The following PIP4K2A variants were observed in gnomAD, a reference collection of about 807,000 sequenced individuals.
PIP4K2A encodes the protein phosphatidylinositol-5-phosphate 4-kinase type 2 alpha, also known as phosphatidylinositol 5-phosphate 4-kinase type-2 alpha.
PIP4K2A carries 14 observed loss-of-function variants against 42.9 expected under a neutral mutation model. The ratio of observed to expected loss-of-function variants is 0.33; its 90% CI spans 0.22 to 0.51. The LOEUF is 0.51. Among genes scored for constraint, PIP4K2A ranks in the 20% least tolerant of loss-of-function variants. The pLI is 0.97. For synonymous variants in PIP4K2A, 192 were observed against 192.2 expected (o/e 1.00, Z 0.01); for missense variants, 434 against 519.8 (o/e 0.83, Z 1.61).
chr10:22,547,114 CCTT>C (rs1836274927), intron 7 of PIP4K2A, among the ~76,000 whole-genome samples: 1 of 152,180 alleles, frequency 6.6e-6, no homozygotes. Flanking sequence ...CTAAGACTAT[CCTT>C]CACAATGGTT....
intron 1 of PIP4K2A, among the ~76,000 whole-genome samples, chr10:22,682,296 T>C (rs1188219260): frequency 1.3e-5 from 2 of 152,220 alleles, no homozygotes; most frequent in Non-Finnish European, 2.9e-5. Flanking sequence ...TCAACTACTG[T>C]TTCTTTTTAA....
chr10:22,658,420 A>C (rs1032838899), intron 1 of PIP4K2A, among the ~76,000 whole-genome samples: 10 of 152,262 alleles, frequency 6.6e-5, no homozygotes, highest in Non-Finnish European at 1.0e-4. Context: ...CGGTATATTA[A>C]TGTTTCATAT....
chr10:22,537,301 G>A lies in PIP4K2A; in HGVS notation c.1141-20C>T. ...GCCAGCCTGGGCAGTTTTTAAAAAA[G>A]GAAATATTGACATAGTGTTTATGAT... On this transcript the variant is annotated intron_variant, in intron 9 of 9. Transcript: ENST00000376573. 6.4e-7 allele frequency: 1 copy of A among 1,559,286 alleles called. No homozygotes were observed. The highest frequency in any genetic ancestry group is 1.2e-5 in the South Asian group (1 of 86,198).
In PIP4K2A at chr10:22,541,985, T is replaced by C. The variant is rs1343864511; in HGVS notation, c.855A>G (p.Arg285=). Residue 285 remains arginine (R), a synonymous_variant, in exon 8 of 10, where the codon AGA becomes AGG. Transcript: ENST00000376573. ...SLLVGIHDVE[R]AEQEEVECEE... ...CACACTCCACTTCCTCCTGTTCGGC[T>C]CTCTCCACATCATGAATTCCCACCA... 1.2e-6 allele frequency: 2 copies of C among 1,613,962 alleles called. No individual in the cohort carries two copies. Among genetic ancestry groups the C allele is most frequent in the South Asian group, 2.2e-5 (2 of 91,074 alleles).
intron 1 of PIP4K2A, among the ~76,000 whole-genome samples, chr10:22,658,513 G>A (rs970287787): frequency 2.0e-5 from 3 of 152,150 alleles, no homozygotes; most frequent in Admixed American, 6.5e-5. Context: ...AGGATAATAG[G>A]CTTAAACTAC....
chr10:22,578,338 T>C (rs1280865025), intron 4 of PIP4K2A, among the ~76,000 whole-genome samples: 1 of 152,218 alleles, frequency 6.6e-6, no homozygotes, highest in African/African-American at 2.4e-5. Context: ...TGGATTTTAC[T>C]TTCCTTTCCC....
chr10:22,651,479 C>T (rs554514794), intron 1 of PIP4K2A, among the ~76,000 whole-genome samples: 10 of 152,318 alleles, frequency 6.6e-5, no homozygotes, highest in African/African-American at 2.4e-4. Context: ...GGGCCTCCCA[C>T]GCAGCAACTC....
Position 22,569,264 on chromosome 10 carries a change from C to T in PIP4K2A, c.640-1375G>A, listed in dbSNP as rs372983057. ...CTCAGTGCCCCCAGGACTGGAAGAT[C>T]CGAGGGACGCTGCTGCTGGCCCAGG... On this transcript the variant is annotated intron_variant, in intron 5 of 9. Transcript: ENST00000376573. Among the ~76,000 whole-genome samples, 18 of 152,332 alleles carry T rather than the reference C, an allele frequency of 1.2e-4. No homozygotes were observed. In the East Asian group the frequency reaches 1.3e-3, roughly 11 times the overall value.
chr10:22,547,296 G>A (rs1836280660), intron 7 of PIP4K2A, among the ~76,000 whole-genome samples: 1 of 152,202 alleles, frequency 6.6e-6, no homozygotes, highest in South Asian at 2.1e-4. Context: ...AGAAAACAAA[G>A]CCTCCACTGT....
At chr10:22,706,570 A>C (rs1019563803) in intron 1 of PIP4K2A, among the ~76,000 whole-genome samples, 4 of 152,182 alleles carry the variant, frequency 2.6e-5, no homozygotes, top group Non-Finnish European at 5.9e-5. Flanking sequence ...GTAGTTATTT[A>C]CACATATATT....
intron 1 of PIP4K2A, 46 bp downstream of exon 1, chr10:22,714,137 A>G: frequency 1.9e-6 from 3 of 1,538,958 alleles, no homozygotes; most frequent in Non-Finnish European, 2.6e-6. Flanking sequence ...ACGAGGAGGA[A>G]GAGGAGGAGG....
chr10:22,686,886 G>C (rs763173363), intron 1 of PIP4K2A, among the ~76,000 whole-genome samples: 1 of 152,172 alleles, frequency 6.6e-6, no homozygotes, highest in Non-Finnish European at 1.5e-5. Flanking sequence ...AATTTTTCAT[G>C]TCTGGAGACG....
At chr10:22,636,912 A>G (rs1430029357) in intron 1 of PIP4K2A, among the ~76,000 whole-genome samples, 2 of 152,218 alleles carry the variant, frequency 1.3e-5, no homozygotes, top group Non-Finnish European at 2.9e-5. Flanking sequence ...AGGTGGTTAC[A>G]ACAGCCCCAG....
intron 1 of PIP4K2A, among the ~76,000 whole-genome samples, chr10:22,622,895 C>T (rs1167961750): frequency 2.6e-5 from 4 of 151,718 alleles, no homozygotes; most frequent in East Asian, 3.9e-4. Flanking sequence ...TATTATTTTA[C>T]CAAAAAAAGT....
chr10:22,565,185 C>T (rs970555449), intron 6 of PIP4K2A, among the ~76,000 whole-genome samples: 13 of 152,284 alleles, frequency 8.5e-5, no homozygotes, highest in African/African-American at 2.9e-4. Context: ...CTGTCTCTGC[C>T]AACCATCCTT....
Position 22,583,883 on chromosome 10 carries a change from C to T in PIP4K2A, c.492+7746G>A, listed in dbSNP as rs551716055. On this transcript the variant is annotated intron_variant, in intron 4 of 9. Coordinates refer to ENST00000376573, the MANE Select transcript of PIP4K2A (RefSeq NM_005028.5). ...GGCAGCTCCTTCTAGGTCTGCCTTC[C>T]GAGGGCAGCCTGTCATTTTGGCCCA... is the stretch of plus-strand genomic sequence containing the variant. Among the ~76,000 whole-genome samples, 265 of 152,314 alleles carry T rather than the reference C, an allele frequency of 1.7e-3. 1 individual carries two copies. Among genetic ancestry groups the T allele is most frequent in the Non-Finnish European group, 3.3e-3 (225 of 68,032 alleles).
At chr10:22,622,436 C>T (rs892036796) in intron 1 of PIP4K2A, among the ~76,000 whole-genome samples, 12 of 152,360 alleles carry the variant, frequency 7.9e-5, no homozygotes, top group Non-Finnish European at 1.0e-4. Context: ...CTGGGCGTCA[C>T]GGAGCACGGG....
intron 1 of PIP4K2A, among the ~76,000 whole-genome samples, chr10:22,645,008 T>A (rs1038653861): frequency 3.3e-5 from 5 of 152,030 alleles, no homozygotes; most frequent in Non-Finnish European, 7.4e-5. Context: ...CCTACCCCCT[T>A]CCCCCTATGC....
At chr10:22,602,645 C>T (rs1837815602) in intron 3 of PIP4K2A, among the ~76,000 whole-genome samples, 1 of 152,028 alleles carries the variant, frequency 6.6e-6, no homozygotes, top group Non-Finnish European at 1.5e-5. Context: ...CGCTTGGGCC[C>T]AGAGAGTTCA....
Sources: gnomAD v4.1 joint callset for allele counts (sites outside exome capture counted in the v4.1 genomes callset) on GRCh38, gnomAD v4.1.1 for gene constraint, MANE v1.5 for transcripts, NCBI Gene and HGNC (gene_info 2026-07-23, HGNC 2026-07-21) for gene names.